The following KRABD2 variants were observed in gnomAD, a reference collection of about 807,000 sequenced individuals.
KRABD2 encodes KRAB domain containing 2.
chr17:8,364,065 T>G, the KRABD2 span, among the ~76,000 whole-genome samples: 1 of 151,422 alleles, frequency 6.6e-6, no homozygotes, highest in African/African-American at 2.4e-5. This position sits in a 1 kb window ranked among gnomAD's most constrained non-coding sequence, Gnocchi z 4.4. Context: ...GACAGGGTTT[T>G]GCCAGGTTGG....
the KRABD2 span, among the ~76,000 whole-genome samples, chr17:8,366,239 C>T: frequency 6.6e-6 from 1 of 152,180 alleles, no homozygotes; most frequent in African/African-American, 2.4e-5. Flanking sequence ...TTTCCATGGG[C>T]TGGGCACTCT....
the KRABD2 span, chr17:8,376,369 T>G: frequency 6.7e-6 from 8 of 1,194,308 alleles, no homozygotes; most frequent in Non-Finnish European, 8.3e-6. Flanking sequence ...CCAGTACCCA[T>G]CACAATCGAT....
chr17:8,372,181 G>C, the KRABD2 span: 12 of 422,416 alleles, frequency 2.8e-5, no homozygotes, highest in Admixed American at 7.7e-4. This position sits in a 1 kb window ranked among gnomAD's most constrained non-coding sequence, Gnocchi z 4.1. Context: ...CACTAAAAGG[G>C]CTTCAAACTC....
At chr17:8,361,159 A>G in the KRABD2 span, among the ~76,000 whole-genome samples, 1 of 152,208 alleles carries the variant, frequency 6.6e-6, no homozygotes, top group Non-Finnish European at 1.5e-5. Flanking sequence ...TAAATAGAGA[A>G]CATTCACAAA....
At chr17:8,376,282 T>G in the KRABD2 span, 2 of 1,228,570 alleles carry the variant, frequency 1.6e-6, no homozygotes, top group Non-Finnish European at 2.0e-6. Flanking sequence ...GGAATTCATT[T>G]GCTGACTCTT....
At chr17:8,371,234 G>C in the KRABD2 span, 1 of 1,252,706 alleles carries the variant, frequency 8.0e-7, no homozygotes, top group Non-Finnish European at 1.1e-6. Flanking sequence ...AGAAAGCTGT[G>C]GGGATATTTT....
the KRABD2 span, among the ~76,000 whole-genome samples, chr17:8,363,847 ATATATATATATATATTTATT>A: frequency 1.0e-4 from 9 of 88,092 alleles, no homozygotes; most frequent in Middle Eastern, 4.8e-3. Flanking sequence ...ATATATATAT[ATATATATATATATATTTATT>A]TATTTATTTA....
At chr17:8,374,628 T>TAAAAAAAAAAA in the KRABD2 span, among the ~76,000 whole-genome samples, 3 of 71,420 alleles carry the variant, frequency 4.2e-5, no homozygotes, top group Admixed American at 1.6e-4. Flanking sequence ...CAATAAATAC[T>TAAAAAAAAAAA]AAAAAAAAAA....
At chr17:8,373,173 G>GGTCTCCCTCTCCCTCTC in the KRABD2 span, among the ~76,000 whole-genome samples, 1 of 128,222 alleles carries the variant, frequency 7.8e-6, no homozygotes, top group South Asian at 2.6e-4. Context: ...CTCCGTCTCC[G>GGTCTCCCTCTCCCTCTC]TCTCCACGGT....
At chr17:8,361,531 T>C in the KRABD2 span, among the ~76,000 whole-genome samples, 1 of 152,212 alleles carries the variant, frequency 6.6e-6, no homozygotes, top group African/African-American at 2.4e-5. Context: ...GACCATATGA[T>C]AGTCCAACTT....
chr17:8,359,609 G>A, the KRABD2 span: 1 of 455,936 alleles, frequency 2.2e-6, no homozygotes, highest in Non-Finnish European at 4.4e-6. Flanking sequence ...AGGAGAGCTG[G>A]TCCAGGAAAA....
chr17:8,363,872 T>C, the KRABD2 span, among the ~76,000 whole-genome samples: 3 of 133,028 alleles, frequency 2.3e-5, no homozygotes, highest in African/African-American at 8.6e-5. Context: ...TTTATTTATT[T>C]ATTTATTTAT....
the KRABD2 span, chr17:8,359,496 T>A: frequency 1.8e-5 from 8 of 435,840 alleles, no homozygotes; most frequent in Middle Eastern, 3.4e-4. Flanking sequence ...GTCTCTTTAT[T>A]TGTTGGTACC....
At chr17:8,376,428 C>T in the KRABD2 span, 91 of 1,060,230 alleles carry the variant, frequency 8.6e-5, no homozygotes, top group South Asian at 2.8e-3. Flanking sequence ...AATACAGTGT[C>T]CCCTCACCGT....
chr17:8,369,372 T>C, the KRABD2 span: 47 of 1,614,160 alleles, frequency 2.9e-5, no homozygotes, highest in Non-Finnish European at 3.6e-5. Flanking sequence ...TTTGGCTTTA[T>C]AGCCAAACAT....
At chr17:8,370,616 G>T in the KRABD2 span, among the ~76,000 whole-genome samples, 1 of 152,190 alleles carries the variant, frequency 6.6e-6, no homozygotes, top group Non-Finnish European at 1.5e-5. Flanking sequence ...ATATGTAGAG[G>T]TTTTAGACTT....
At chr17:8,371,410 G>A in the KRABD2 span, 1 of 1,613,976 alleles carries the variant, frequency 6.2e-7, no homozygotes, top group Non-Finnish European at 8.5e-7. Context: ...ATTTTCAAAT[G>A]CTGTTGCTTC....
chr17:8,373,956 TGAG>T, the KRABD2 span: 1 of 157,532 alleles, frequency 6.3e-6, no homozygotes, highest in Non-Finnish European at 1.4e-5. Context: ...GTCTGGGAAG[TGAG>T]GAGCATCTCC....
the KRABD2 span, among the ~76,000 whole-genome samples, chr17:8,360,951 A>G: frequency 3.3e-5 from 5 of 152,156 alleles, no homozygotes; most frequent in African/African-American, 7.2e-5. Flanking sequence ...CAAGAATGTA[A>G]GTCTGAGCTT....
Sources: gnomAD v4.1 joint callset for allele counts (sites outside exome capture counted in the v4.1 genomes callset) on GRCh38, gnomAD v4.1.1 for gene constraint, Gnocchi (gnomAD v3.1) non-coding constraint, MANE v1.5 for transcripts, NCBI Gene and HGNC (gene_info 2026-07-23, HGNC 2026-07-21) for gene names.